The following FSTL4 variants were observed in gnomAD, a reference collection of about 807,000 sequenced individuals.
FSTL4 encodes follistatin like 4, also known as follistatin-related protein 4.
Under a neutral mutation model 78.2 loss-of-function variants are expected in FSTL4, and 28 were observed. The ratio of observed to expected loss-of-function variants is 0.36; its 90% confidence interval spans 0.27 to 0.49. The LOEUF (loss-of-function observed/expected upper bound fraction) is 0.49, where lower values mean the gene tolerates loss of function less well. Among genes scored for constraint, FSTL4 ranks in the 20% least tolerant of loss-of-function variants. The probability of loss-of-function intolerance (pLI) is 0.98; values close to 1 mark genes in which losing one functional copy is unlikely to be tolerated. For missense variants in FSTL4, 922 were observed against 1,084.9 expected, an observed-to-expected ratio of 0.85 and a Z score of 2.11; for synonymous variants, 422 against 440.5, an observed-to-expected ratio of 0.96 and a Z score of 0.53.
chr5:133,270,637 C>T (rs1200670778), intron 6 of FSTL4, among the ~76,000 whole-genome samples: 9 of 152,168 alleles, frequency 5.9e-5, no homozygotes, highest in African/African-American at 2.2e-4. Flanking sequence ...AAAGTTTTGA[C>T]AAATGAATGT....
intron 3 of FSTL4, among the ~76,000 whole-genome samples, chr5:133,528,163 C>A (rs1759174567): frequency 6.6e-6 from 1 of 152,186 alleles, no homozygotes; most frequent in Non-Finnish European, 1.5e-5. Flanking sequence ...CAAAGACACA[C>A]TATTATGGCT....
intron 5 of FSTL4, among the ~76,000 whole-genome samples, chr5:133,315,827 T>A (rs958365597): frequency 3.9e-5 from 6 of 152,186 alleles, no homozygotes; most frequent in Non-Finnish European, 8.8e-5. Context: ...GTGGCCCCAG[T>A]GAGTGAGGTC....
At position 133,512,203 on chromosome 5, in the gene FSTL4, C is replaced by T. The variant is rs1051920632; in HGVS notation, c.160+54983G>A. On this transcript the variant is annotated intron_variant, in intron 3 of 15. Transcript: ENST00000265342. Reference sequence around the variant, plus strand: ...GTCACTCTTTCCCTGGGGCTGTAGGCGGCAGACCGTGCTTCTCACCTGTGT... The same window carrying T: ...GTCACTCTTTCCCTGGGGCTGTAGGTGGCAGACCGTGCTTCTCACCTGTGT... 3.7e-4 allele frequency among the ~76,000 whole-genome samples: 56 copies of T among 152,350 alleles called. 1 individual carries two copies. The highest frequency in any genetic ancestry group is 1.3e-3 in the African/African-American group (54 of 41,586).
chr5:133,467,860 A>G (rs1757747500), intron 3 of FSTL4, among the ~76,000 whole-genome samples: 1 of 152,212 alleles, frequency 6.6e-6, no homozygotes, highest in African/African-American at 2.4e-5. Context: ...TTTCTTATAC[A>G]TTGCAGACGT....
intron 3 of FSTL4, among the ~76,000 whole-genome samples, chr5:133,480,323 G>A (rs961081206): frequency 2.0e-5 from 3 of 152,294 alleles, no homozygotes; most frequent in African/African-American, 7.2e-5. Context: ...ACCTGTACCT[G>A]GTGCAGAATA....
At chr5:133,478,827 C>T (rs1757969572) in intron 3 of FSTL4, among the ~76,000 whole-genome samples, 1 of 152,034 alleles carries the variant, frequency 6.6e-6, no homozygotes, top group Non-Finnish European at 1.5e-5. Flanking sequence ...AGGAGGGTGC[C>T]TTGTTAGGCA....
chr5:133,732,909 T>C, the FSTL4 span, among the ~76,000 whole-genome samples: 1 of 152,190 alleles, frequency 6.6e-6, no homozygotes, highest in African/African-American at 2.4e-5. Context: ...CGGCTTTGAC[T>C]TCTCACTGTG....
chr5:133,334,249 T>C (rs17166587), intron 4 of FSTL4, among the ~76,000 whole-genome samples: 71,072 of 152,118 alleles, frequency 0.47, 19,256 homozygotes, highest in African/African-American at 0.76. Flanking sequence ...CAGTCACAGT[T>C]GGCGAGGGTC....
chr5:133,577,998 C>T (rs1424988551), intron 2 of FSTL4, among the ~76,000 whole-genome samples: 2 of 152,180 alleles, frequency 1.3e-5, no homozygotes, highest in Non-Finnish European at 2.9e-5. Flanking sequence ...CCTCTATTGC[C>T]TATCTTACAA....
chr5:133,825,499 A>G, the FSTL4 span, among the ~76,000 whole-genome samples: 3 of 152,222 alleles, frequency 2.0e-5, no homozygotes, highest in South Asian at 2.1e-4. Context: ...AGTTTTGTCT[A>G]TTGAAGAAAT....
At chr5:133,251,276 T>A (rs1752226992) in intron 6 of FSTL4, among the ~76,000 whole-genome samples, 1 of 152,100 alleles carries the variant, frequency 6.6e-6, no homozygotes, top group African/African-American at 2.4e-5. Context: ...ACCTCAGCAT[T>A]CTCCCCAAGA....
chr5:133,562,737 C>T (rs1237130449), intron 3 of FSTL4, among the ~76,000 whole-genome samples: 6 of 152,174 alleles, frequency 3.9e-5, no homozygotes, highest in South Asian at 4.1e-4. Context: ...AGCACAATCA[C>T]GGACATCTGG....
chr5:133,771,700 C>T, the FSTL4 span, among the ~76,000 whole-genome samples: 2 of 152,066 alleles, frequency 1.3e-5, no homozygotes, highest in East Asian at 3.9e-4. Flanking sequence ...ATTTGACTTC[C>T]TCTTTTCCAA....
chr5:133,550,053 A>T (rs1759661439), intron 3 of FSTL4, among the ~76,000 whole-genome samples: 1 of 152,172 alleles, frequency 6.6e-6, no homozygotes, highest in South Asian at 2.1e-4. Flanking sequence ...ATCAGAGTTC[A>T]AGGTCACCTG....
chr5:133,717,950 G>A, the FSTL4 span, among the ~76,000 whole-genome samples: 6 of 152,206 alleles, frequency 3.9e-5, no homozygotes, highest in Non-Finnish European at 8.8e-5. Context: ...TGAAATTGAT[G>A]TGTATTTTTA....
chr5:133,241,497 T>C (rs1216300796), intron 7 of FSTL4, among the ~76,000 whole-genome samples: 6 of 152,334 alleles, frequency 3.9e-5, no homozygotes, highest in Middle Eastern at 3.4e-3. Context: ...GAGACATTGC[T>C]CTGAGCCCTC....
intron 6 of FSTL4, among the ~76,000 whole-genome samples, chr5:133,304,722 G>A (rs989561308): frequency 3.9e-5 from 6 of 152,220 alleles, no homozygotes; most frequent in Non-Finnish European, 8.8e-5. Context: ...TGGGAAAGGG[G>A]CAGTCTGGGT....
intron 8 of FSTL4, among the ~76,000 whole-genome samples, chr5:133,226,596 T>C (rs1751342302): frequency 6.6e-6 from 1 of 152,212 alleles, no homozygotes; most frequent in African/African-American, 2.4e-5. Flanking sequence ...TTTAGTGGAA[T>C]TGAGGGTTCT....
chr5:133,707,205 T>C, the FSTL4 span, among the ~76,000 whole-genome samples: 1 of 152,302 alleles, frequency 6.6e-6, no homozygotes, highest in East Asian at 1.9e-4. Context: ...GATTTGTTTA[T>C]ATGATAGGTA....
Sources: allele counts gnomAD v4.1 joint callset (sites outside exome capture counted in the v4.1 genomes callset), GRCh38; gene constraint gnomAD v4.1.1; transcripts MANE v1.5; gene names NCBI Gene and HGNC (gene_info 2026-07-23, HGNC 2026-07-21).